The following ATP8B2 variants were observed in gnomAD, a reference collection of about 807,000 sequenced individuals.
ATP8B2 encodes the protein ATPase phospholipid transporting 8B2.
Under a neutral mutation model 133.4 loss-of-function variants are expected in ATP8B2, and 70 were observed. That is an observed-to-expected ratio of 0.52 (90% confidence interval 0.43 to 0.64). The LOEUF is 0.64. Among genes scored for constraint, ATP8B2 ranks in the 30% least tolerant of loss-of-function variants. The probability of loss-of-function intolerance (pLI) is 0.00; values close to 1 mark genes in which losing one functional copy is unlikely to be tolerated. For synonymous variants in ATP8B2, 517 were observed against 589.5 expected (o/e 0.88, Z 1.78); for missense variants, 1,101 against 1,535.7 (o/e 0.72, Z 4.73).
At chr1:154,338,564 G>A (rs1483611503) in intron 12 of ATP8B2, among the ~76,000 whole-genome samples, 1 of 152,134 alleles carries the variant, frequency 6.6e-6, no homozygotes, top group African/African-American at 2.4e-5. Context: ...GGAGGCTAAG[G>A]TAGGAGAATC....
Position 154,348,451 on chromosome 1 carries a change from C to T in ATP8B2, c.3207C>T (p.Thr1069=), listed in dbSNP as rs151015319. The T allele has an allele frequency of 6.2e-7, 1 of 1,613,876 alleles. No individual in the cohort carries two copies. Among genetic ancestry groups the T allele is most frequent in the Non-Finnish European group, 8.5e-7 (1 of 1,179,778 alleles). The change falls in exon 27 of 28, where the codon ACC becomes ACT. Residue 1069 remains threonine (T), a synonymous_variant. Coordinates refer to ENST00000368489, the MANE Select transcript of ATP8B2 (RefSeq NM_001370597.1). ...TGGCCCAGCCCACGGTGTGGCTGAC[C>T]ATTGTGCTCACCACAGTCGTCTGCA... is the stretch of plus-strand genomic sequence containing the variant. ...NTLAQPTVWL[T]IVLTTVVCIM...
chr1:154,335,993 G>A (rs1159562909), intron 11 of ATP8B2, among the ~76,000 whole-genome samples: 5 of 151,006 alleles, frequency 3.3e-5, no homozygotes, highest in Non-Finnish European at 7.4e-5. Context: ...AGTGAGCCGA[G>A]GTCGCGCCAC....
chr1:154,337,806 A>G, intron 12 of ATP8B2: 2 of 1,345,294 alleles, frequency 1.5e-6, no homozygotes, highest in Non-Finnish European at 9.8e-7. Flanking sequence ...TGTACAAAGA[A>G]GTGTGCTAGG....
Position 154,346,881 on chromosome 1 carries a change from A to G in ATP8B2, c.3163+123A>G, listed in dbSNP as rs1686602706. On this transcript the variant is annotated intron_variant, in intron 26 of 27. Transcript: ENST00000368489. This position sits in a 1 kb window ranked among gnomAD's most constrained non-coding sequence, Gnocchi z 4.5. ...GCCAAGTATTCTGTTTATTTTATTT[A>G]TTTATTTATTTATTTTCGAGAAGGA... 8.8e-7 allele frequency: 1 copy of G among 1,133,322 alleles called. No individual in the cohort carries two copies. Among genetic ancestry groups the G allele is most frequent in the South Asian group, 2.0e-5 (1 of 48,990 alleles). 70.2% of individuals were successfully genotyped at this position (1,133,322 alleles called of 1,614,324 possible). A position where few individuals can be genotyped will look rare whatever the true frequency, so the allele number is the denominator to read the frequency against.
intron 12 of ATP8B2, chr1:154,337,900 C>A: frequency 3.0e-6 from 2 of 657,534 alleles, no homozygotes; most frequent in Non-Finnish European, 4.7e-6. Context: ...AAAATCTAAA[C>A]ACATTATAAA....
chr1:154,328,780 G>A lies in ATP8B2; in HGVS notation c.31+608G>A, dbSNP rs1030615044. On this transcript the variant is annotated intron_variant, in intron 2 of 27. Coordinates refer to ENST00000368489, the MANE Select transcript of ATP8B2 (RefSeq NM_001370597.1). The surrounding 1 kb of genome is among the most constrained non-coding windows in gnomAD (Gnocchi z 4.6). ...GCATCCGCCGGGGGGCATGGGGGGC[G>A]GCGGCGGCGGCGCAGCTGAGCTCGC... The A allele has an allele frequency of 3.0e-6, 3 of 1,001,918 alleles. No homozygotes were observed. The highest frequency in any genetic ancestry group is 6.1e-5 in the Admixed American group (1 of 16,300). The allele number at this position is 1,001,918 out of a possible 1,614,324, so 62.1% of individuals were successfully genotyped here.
Position 154,346,774 on chromosome 1 carries a change from C to G in ATP8B2, c.3163+16C>G. On this transcript the variant is annotated intron_variant, in intron 26 of 27. Transcript: ENST00000368489. This position sits in a 1 kb window ranked among gnomAD's most constrained non-coding sequence, Gnocchi z 4.5. ...CGGTTTGTGGGTAAGTCCCCGTGGC[C>G]TCCTTGAATCGGTGAGGAATCACAG... is the stretch of plus-strand genomic sequence containing the variant. 4.3e-6 allele frequency: 7 copies of G among 1,613,354 alleles called. No homozygotes were observed. The highest frequency in any genetic ancestry group is 5.9e-6 in the Non-Finnish European group (7 of 1,179,436).
In ATP8B2 at chr1:154,345,390, T is replaced by G; in HGVS notation, c.2539T>G (p.Phe847Val). 3 of 1,614,190 alleles carry G rather than the reference T, an allele frequency of 1.9e-6. No homozygotes were observed. The highest frequency in any genetic ancestry group is 2.5e-6 in the Non-Finnish European group (3 of 1,179,996). ...GGCTGTCTTGGCCTCCGATTACTCC[T>G]TCTCCCAGTTCAAGTTCCTGCAGCG... ...IQAVLASDYS[F>V]SQFKFLQRLL... Residue 847 changes from phenylalanine to valine, a missense_variant, in exon 23 of 28, where the codon TTC (phenylalanine) becomes GTC (valine). Physicochemically the swap from Phe to Val is conservative, Grantham distance 50. Coordinates refer to ENST00000368489, the MANE Select transcript of ATP8B2 (RefSeq NM_001370597.1). The surrounding 1 kb of genome is among the most constrained non-coding windows in gnomAD (Gnocchi z 5.6).
chr1:154,337,442 C>T lies in ATP8B2; in HGVS notation c.932C>T (p.Pro311Leu), dbSNP rs41299633. Residue 311 changes from proline (P) to leucine (L), a missense_variant, in exon 12 of 28, where the codon CCG becomes CTG. Coordinates refer to ENST00000368489, the MANE Select transcript of ATP8B2 (RefSeq NM_001370597.1). ...EVGMRFQVYL[P>L]WDEAVDSAFF... ...GGGATGCGTTTCCAGGTCTACCTGCCGTGGGATGAGGCAGTGGACAGTGCC... is the reference window on the plus strand; with the variant it reads ...GGGATGCGTTTCCAGGTCTACCTGCTGTGGGATGAGGCAGTGGACAGTGCC... The T allele has an allele frequency of 4.3e-6, 7 of 1,614,134 alleles. No individual in the cohort carries two copies. Among genetic ancestry groups the T allele is most frequent in the East Asian group, 2.2e-5 (1 of 44,878 alleles).
Position 154,345,948 on chromosome 1 carries a change from A to T in ATP8B2, c.2778+65A>T. 2 of 1,418,614 alleles carry T rather than the reference A, an allele frequency of 1.4e-6. No individual in the cohort carries two copies. The highest frequency in any genetic ancestry group is 2.3e-5 in the East Asian group (1 of 43,916). 87.9% of individuals were successfully genotyped at this position (1,418,614 alleles called of 1,614,324 possible). The stretch of plus-strand genomic sequence containing the variant: ...GTCACTGCTTGAAGGAGTCACATAG[A>T]CGTGGTGTGTGACACTTGTGCCCAT... On this transcript the variant is annotated intron_variant, in intron 24 of 27. Transcript: ENST00000368489. The surrounding 1 kb of genome is among the most constrained non-coding windows in gnomAD (Gnocchi z 5.6).
chr1:154,339,836 C>G (rs907396981), intron 12 of ATP8B2, among the ~76,000 whole-genome samples: 1 of 152,150 alleles, frequency 6.6e-6, no homozygotes, highest in African/African-American at 2.4e-5. Context: ...GAAATGCTAA[C>G]AGTGCATATG....
At chr1:154,342,386 G>T in intron 13 of ATP8B2, 94 bp from the exon 14 acceptor site, 1 of 1,277,758 alleles carries the variant, frequency 7.8e-7, no homozygotes, top group Non-Finnish European at 1.1e-6. Flanking sequence ...GAGGGGCTCA[G>T]TGCCTACGGG....
In ATP8B2 at chr1:154,349,304, C is replaced by T; in HGVS notation, c.*186C>T. 1.2e-6 allele frequency: 1 copy of T among 857,904 alleles called. No individual in the cohort carries two copies. The highest frequency in any genetic ancestry group is 1.7e-6 in the Non-Finnish European group (1 of 572,250). 53.1% of individuals were successfully genotyped at this position (857,904 alleles called of 1,614,324 possible). ...TCCCAGCTGTAGGCCCTTCCACCAGCTGGGGAGCTAGAGGGAGCAGGCCCA... is the reference window on the plus strand; with the variant it reads ...TCCCAGCTGTAGGCCCTTCCACCAGTTGGGGAGCTAGAGGGAGCAGGCCCA... On this transcript the variant is annotated 3_prime_UTR_variant, in exon 28 of 28. Transcript: ENST00000368489.
Position 154,343,598 on chromosome 1 carries a change from G to C in ATP8B2, c.1758+30G>C. The C allele has an allele frequency of 6.3e-7, 1 of 1,597,902 alleles. No homozygotes were observed. Among genetic ancestry groups the C allele is most frequent in the African/African-American group, 1.3e-5 (1 of 74,638 alleles). ...GTGTGAGGAGAGGAGGGGCCAGCCTGGGGGGTTCTACTCTTAGTGTGGGGG... is the reference window on the plus strand; with the variant it reads ...GTGTGAGGAGAGGAGGGGCCAGCCTCGGGGGTTCTACTCTTAGTGTGGGGG... On this transcript the variant is annotated intron_variant, in intron 17 of 27. Coordinates refer to ENST00000368489, the MANE Select transcript of ATP8B2 (RefSeq NM_001370597.1). The surrounding 1 kb of genome is among the most constrained non-coding windows in gnomAD (Gnocchi z 5.8).
chr1:154,331,140 T>C lies in ATP8B2; in HGVS notation c.297T>C (p.Asp99=). Reference sequence around the variant, plus strand: ...TCACAGCTGTTAAAGATGCCACTGATGACTATGTGAGTGGTTTTCATTCTT... The same window carrying C: ...TCACAGCTGTTAAAGATGCCACTGACGACTATGTGAGTGGTTTTCATTCTT... ...LTITAVKDAT[D]DYFRHKSDNQ... is the part of the protein sequence containing the mutation. Residue 99 remains aspartate, a synonymous_variant, in exon 5 of 28, where the codon GAT becomes GAC. Transcript: ENST00000368489. The surrounding 1 kb of genome is among the most constrained non-coding windows in gnomAD (Gnocchi z 4.8). 1 of 1,612,852 alleles carries C rather than the reference T, an allele frequency of 6.2e-7. No individual in the cohort carries two copies. Among genetic ancestry groups the C allele is most frequent in the South Asian group, 1.1e-5 (1 of 91,050 alleles).
chr1:154,344,683 C>G lies in ATP8B2; in HGVS notation c.2184C>G (p.Gly728=). 1 of 1,611,904 alleles carries G rather than the reference C, an allele frequency of 6.2e-7. No homozygotes were observed. Among genetic ancestry groups the G allele is most frequent in the Non-Finnish European group, 8.5e-7 (1 of 1,178,120 alleles). Residue 728 remains glycine, a synonymous_variant, in exon 21 of 28, where the codon GGC becomes GGG. Coordinates refer to ENST00000368489, the MANE Select transcript of ATP8B2 (RefSeq NM_001370597.1). This position sits in a 1 kb window ranked among gnomAD's most constrained non-coding sequence, Gnocchi z 4.1. ...TGATGGACTCATCCCGCTCCGTAGG[C>G]AACGGCTTCACCTATCAGGACAAGC... is the stretch of plus-strand genomic sequence containing the variant. The part of the protein sequence containing the change: ...EKMMDSSRSV[G]NGFTYQDKLS...
chr1:154,346,026 T>C lies in ATP8B2; in HGVS notation c.2778+143T>C. The C allele has an allele frequency of 9.3e-7, 1 of 1,080,820 alleles. No individual in the cohort carries two copies. The allele number at this position is 1,080,820 out of a possible 1,614,324, so 67.0% of individuals were successfully genotyped here. ...TTTCAGCCGGGGAAGGTGTGGCTGG[T>C]TCTCCCTCCTGGCTGCAGCTGATCT... On this transcript the variant is annotated intron_variant, in intron 24 of 27. Transcript: ENST00000368489. This position sits in a 1 kb window ranked among gnomAD's most constrained non-coding sequence, Gnocchi z 4.5.
chr1:154,326,200 G>T (rs1206780705), intron 1 of ATP8B2, among the ~76,000 whole-genome samples: 1 of 152,142 alleles, frequency 6.6e-6, no homozygotes, highest in Admixed American at 6.5e-5. Flanking sequence ...TGTGCCGGGA[G>T]CCCTGAGTTC....
chr1:154,345,069 A>G lies in ATP8B2; in HGVS notation c.2385A>G (p.Ala795=). ...ICCRVTPLQK[A]QVVELVKKYK... is the part of the protein sequence containing the mutation. ...GCCGGGTGACCCCCTTGCAGAAGGC[A>G]CAGGTGGTAGAACTGGTCAAGAAGT... Residue 795 remains alanine (A), a synonymous_variant, in exon 22 of 28, where the codon GCA becomes GCG. Coordinates refer to ENST00000368489, the MANE Select transcript of ATP8B2 (RefSeq NM_001370597.1). This position sits in a 1 kb window ranked among gnomAD's most constrained non-coding sequence, Gnocchi z 5.6. 1.9e-6 allele frequency: 3 copies of G among 1,614,088 alleles called. No homozygotes were observed. Among genetic ancestry groups the G allele is most frequent in the African/African-American group, 1.3e-5 (1 of 74,934 alleles).
Sources: gnomAD v4.1 joint callset for allele counts (sites outside exome capture counted in the v4.1 genomes callset) on GRCh38, gnomAD v4.1.1 for gene constraint, Gnocchi (gnomAD v3.1) non-coding constraint, MANE v1.5 for transcripts, NCBI Gene and HGNC (gene_info 2026-07-23, HGNC 2026-07-21) for gene names.